The following PIGA variants were observed in gnomAD, a reference collection of about 807,000 sequenced individuals.
The protein encoded by PIGA is phosphatidylinositol glycan anchor biosynthesis class A.
Under a neutral mutation model 17.1 loss-of-function variants are expected in PIGA, and 3 were observed. The observed-to-expected ratio is 0.18, with a 90% confidence interval of 0.08 to 0.45. The LOEUF (loss-of-function observed/expected upper bound fraction) is 0.45, where lower values mean the gene tolerates loss of function less well. Ranked by LOEUF, PIGA falls within the 20% of genes least tolerant of loss-of-function variation. The pLI is 0.99. For synonymous variants in PIGA, 126 were observed against 135.1 expected (o/e 0.93, Z 0.47); for missense variants, 231 against 374.1 (o/e 0.62, Z 3.16).
intron 1 of PIGA, among the ~76,000 whole-genome samples, chrX:15,335,072 T>C (rs767804664): frequency 3.1e-4 from 35 of 111,769 alleles, no homozygotes; most frequent in Non-Finnish European, 5.5e-4. Context: ...AAGAGAATGG[T>C]ACTTCCACCG....
At chrX:15,322,136 C>T (rs1203522370) in intron 5 of PIGA, among the ~76,000 whole-genome samples, 4 of 111,348 alleles carry the variant, frequency 3.6e-5, no homozygotes, top group Non-Finnish European at 7.5e-5. Flanking sequence ...ACTGTAGGGT[C>T]AATATTTAAT....
chrX:15,324,033 G>A (rs1921895519), intron 5 of PIGA, among the ~76,000 whole-genome samples: 1 of 112,233 alleles, frequency 8.9e-6, no homozygotes, highest in Non-Finnish European at 1.9e-5. Context: ...TCCCACAACT[G>A]TAATCTCCTA....
chrX:15,321,726 C>A lies in PIGA; in HGVS notation c.1235G>T (p.Arg412Leu). ...GCAGTGAGAAATAAGTCTGTCCAGT[C>A]GTTTGTCCATTGGCAACACAGCTTC... ...SVEAVLPMDKRLDRLISHCGP... is the reference protein window; with the variant it reads ...SVEAVLPMDKLLDRLISHCGP... The change falls in exon 6 of 6, where the codon CGA becomes CTA. Residue 412 changes from arginine to leucine, a missense_variant. By Grantham distance (102) the Arg-to-Leu change is moderately radical (BLOSUM62 -2). Coordinates refer to ENST00000333590, the MANE Select transcript of PIGA (RefSeq NM_002641.4). 1 of 1,209,820 alleles carries A rather than the reference C, an allele frequency of 8.3e-7. No homozygotes were observed. The highest frequency in any genetic ancestry group is 1.1e-6 in the Non-Finnish European group (1 of 893,777).
In PIGA at chrX:15,324,676, T is replaced by C. The variant is rs781095752; in HGVS notation, c.1177A>G (p.Arg393Gly). ...TFYTWRNVAE[R>G]TEKVYDRVSV... ...AGCATGTGACATACCTTTTCAGTTC[T>C]TTCTGCAACATTCCTCCAGGTGTAG... The change falls in exon 5 of 6, where the codon AGA (arginine) becomes GGA (glycine). Residue 393 changes from arginine to glycine, a missense_variant. Coordinates refer to ENST00000333590, the MANE Select transcript of PIGA (RefSeq NM_002641.4). The C allele has an allele frequency of 8.3e-7, 1 of 1,198,371 alleles. No homozygotes were observed. Among genetic ancestry groups the C allele is most frequent in the Non-Finnish European group, 1.1e-6 (1 of 883,341 alleles).
At position 15,324,655 on chromosome X, in the gene PIGA, T is replaced by C; in HGVS notation, c.1188+10A>G. The C allele has an allele frequency of 8.7e-7, 1 of 1,155,740 alleles. No homozygotes were observed. Among genetic ancestry groups the C allele is most frequent in the Non-Finnish European group, 1.2e-6 (1 of 845,186 alleles). On this transcript the variant is annotated intron_variant, in intron 5 of 5. Transcript: ENST00000333590. ...GTTCAGACACAATCTTTTCTCAGCA[T>C]GTGACATACCTTTTCAGTTCTTTCT...
chrX:15,324,898 T>C (rs372983281), intron 4 of PIGA, 27 bp from the exon 5 acceptor site: 32 of 1,154,455 alleles, frequency 2.8e-5, no homozygotes, highest in Non-Finnish European at 3.6e-5. Flanking sequence ...GAACACATAC[T>C]CCACCATAAT....
chrX:15,332,340 C>G (rs1922192167), intron 1 of PIGA, among the ~76,000 whole-genome samples: 1 of 111,932 alleles, frequency 8.9e-6, no homozygotes, highest in Non-Finnish European at 1.9e-5. Flanking sequence ...TTATATATTT[C>G]CCCTTTACTC....
chrX:15,324,490 A>G (rs1225777051), intron 5 of PIGA, among the ~76,000 whole-genome samples, 175 bp downstream of exon 5: 1 of 112,416 alleles, frequency 8.9e-6, no homozygotes, highest in Non-Finnish European at 1.9e-5. Flanking sequence ...CAATAATTTG[A>G]CCAGACACTT....
intron 3 of PIGA, 23 bp downstream of exon 3, chrX:15,325,891 G>A: frequency 8.5e-7 from 1 of 1,180,323 alleles, no homozygotes; most frequent in Non-Finnish European, 1.1e-6. Flanking sequence ...TCTCCCTCAA[G>A]ACAACATGAA....
At chrX:15,334,185 CTTTTTTTTTTTT>C (rs35688150) in intron 1 of PIGA, among the ~76,000 whole-genome samples, 2 of 62,944 alleles carry the variant, frequency 3.2e-5, no homozygotes, top group Non-Finnish European at 5.8e-5. Flanking sequence ...AATTCATCTA[CTTTTTTTTTTTT>C]TTTTTTTTTT....
Position 15,320,751 on chromosome X carries a change from G to A in PIGA, c.*755C>T, listed in dbSNP as rs187040067. On this transcript the variant is annotated 3_prime_UTR_variant, in exon 6 of 6. Coordinates refer to ENST00000333590, the MANE Select transcript of PIGA (RefSeq NM_002641.4). ...GGAGAATGCATACAACAGGAACAAA[G>A]TACTAGTAGTGTGTCGGTGATTTTT... The A allele has an allele frequency of 8.9e-6, 1 of 112,246 alleles. No individual in the cohort carries two copies. Among genetic ancestry groups the A allele is most frequent in the African/African-American group, 3.2e-5 (1 of 30,918 alleles). 9.3% of individuals were successfully genotyped at this position (112,246 alleles called of 1,213,427 possible).
In PIGA at chrX:15,321,510, C is replaced by T. The variant is rs1362845230; in HGVS notation, c.1451G>A (p.Arg484Lys). The T allele has an allele frequency of 1.7e-6, 2 of 1,200,501 alleles. No homozygotes were observed. The highest frequency in any genetic ancestry group is 1.8e-5 in the South Asian group (1 of 56,614). ...GGENNEISET[R>K] The stretch of plus-strand genomic sequence containing the variant: ...TCTTACAATCTAGGCTTCCTTCTAC[C>T]TGGTTTCAGATATCTCATTATTCTC... Residue 484 changes from arginine to lysine, a missense_variant, in exon 6 of 6, where the codon AGG (arginine) becomes AAG (lysine). Arg to Lys is a conservative substitution (Grantham distance 26). Coordinates refer to ENST00000333590, the MANE Select transcript of PIGA (RefSeq NM_002641.4).
At chrX:15,335,165 C>T (rs1277307929) in intron 1 of PIGA, among the ~76,000 whole-genome samples, 2 of 112,369 alleles carry the variant, frequency 1.8e-5, no homozygotes, top group Non-Finnish European at 3.8e-5. Context: ...GGAGGGGATA[C>T]CCCTGCTCAG....
chrX:15,326,240 A>G (rs1037435605), intron 2 of PIGA, 194 bp from the exon 3 acceptor site: 3 of 310,400 alleles, frequency 9.7e-6, no homozygotes, highest in Non-Finnish European at 1.7e-5. Context: ...ACAATTCTTG[A>G]AGACGTAGAC....
chrX:15,320,860 T>C lies in PIGA; in HGVS notation c.*646A>G, dbSNP rs371654541. On this transcript the variant is annotated 3_prime_UTR_variant, in exon 6 of 6. Coordinates refer to ENST00000333590, the MANE Select transcript of PIGA (RefSeq NM_002641.4). ...CCACAATTATGATGAAGTAAGCCAT[T>C]TGAATGGTAAACAAAGAGTGAATGC... is the stretch of plus-strand genomic sequence containing the variant. The C allele has an allele frequency of 9.0e-6, 1 of 111,296 alleles. No homozygotes were observed. The highest frequency in any genetic ancestry group is 3.3e-5 in the African/African-American group (1 of 30,572). The allele number at this position is 111,296 out of a possible 1,213,427, so 9.2% of individuals were successfully genotyped here.
intron 2 of PIGA, chrX:15,327,732 T>C (rs887160472): frequency 9.0e-6 from 1 of 111,132 alleles, no homozygotes; most frequent in African/African-American, 3.3e-5. Context: ...CGTACAAGGT[T>C]AAGAGCCCAT....
chrX:15,325,294 C>T, intron 3 of PIGA, 142 bp from the exon 4 acceptor site: 2 of 484,383 alleles, frequency 4.1e-6, no homozygotes, highest in East Asian at 8.2e-5. Flanking sequence ...TTAGTATCAC[C>T]AAACACTGAT....
intron 2 of PIGA, chrX:15,328,225 T>G (rs1216841975): frequency 8.9e-6 from 1 of 112,307 alleles, no homozygotes; most frequent in Non-Finnish European, 1.9e-5. Flanking sequence ...ACTTACCCTC[T>G]CTGAGACTCA....
In PIGA at chrX:15,321,450, CAT is replaced by C. The variant is rs1195308401; in HGVS notation, c.*54_*55del. On this transcript the variant is annotated 3_prime_UTR_variant, in exon 6 of 6. Coordinates refer to ENST00000333590, the MANE Select transcript of PIGA (RefSeq NM_002641.4). ...ACCCCCCAAAAGCAAGGTTATTTTCCATAGTCTTTATAGAACTATTACAAATG... is the reference window on the plus strand; with the variant it reads ...ACCCCCCAAAAGCAAGGTTATTTTCCAGTCTTTATAGAACTATTACAAATG... 2 of 1,065,562 alleles carry C rather than the reference CAT, an allele frequency of 1.9e-6. No homozygotes were observed. Among genetic ancestry groups the C allele is most frequent in the East Asian group, 6.1e-5 (2 of 32,982 alleles). The allele number at this position is 1,065,562 out of a possible 1,213,427, so 87.8% of individuals were successfully genotyped here.
Sources: allele counts gnomAD v4.1 joint callset (sites outside exome capture counted in the v4.1 genomes callset), GRCh38; gene constraint gnomAD v4.1.1; transcripts MANE v1.5; gene names NCBI Gene and HGNC (gene_info 2026-07-23, HGNC 2026-07-21).